Variants in EXD2 observed in about 807,000 individuals in gnomAD.
The protein encoded by EXD2 is exonuclease 3'-5' domain-containing protein 2.
In EXD2, 40 loss-of-function variants were observed where a neutral mutation model predicts 62.5. The ratio of observed to expected loss-of-function variants is 0.64; its 90% confidence interval spans 0.50 to 0.83. The LOEUF (loss-of-function observed/expected upper bound fraction) is 0.83. Among genes scored for constraint, EXD2 ranks in the 40% least tolerant of loss-of-function variants. The probability of loss-of-function intolerance (pLI) is 0.00; values close to 1 mark genes in which losing one functional copy is unlikely to be tolerated. For synonymous variants in EXD2, 239 were observed against 291.9 expected (o/e 0.82, Z 1.85); for missense variants, 671 against 761.8 (o/e 0.88, Z 1.40).
At position 69,229,020 on chromosome 14, in the gene EXD2, G is replaced by A. The variant is rs758770920; in HGVS notation, c.538G>A (p.Gly180Ser). The A allele has an allele frequency of 1.9e-6, 3 of 1,614,196 alleles. No individual in the cohort carries two copies. In the Admixed American group the frequency reaches 5.0e-5, roughly 27 times the overall value. Residue 180 changes from glycine to serine, a missense_variant, in exon 4 of 10, where the codon GGC becomes AGC. Coordinates refer to ENST00000685843, the MANE Select transcript of EXD2 (RefSeq NM_001193360.2). ...TGCCAGCAAGCTTCTGCAGGATTAT[G>A]GCCTCGTTGTTAGGGGGTGCCTGGA... Reference protein sequence around the residue: ...EDASKLLQDYGLVVRGCLDLR... With the variant: ...EDASKLLQDYSLVVRGCLDLR...
chr14:69,224,711 T>C (rs1484275864), intron 3 of EXD2, among the ~76,000 whole-genome samples: 1 of 152,156 alleles, frequency 6.6e-6, no homozygotes, highest in Non-Finnish European at 1.5e-5. Context: ...CCAGGTGCAG[T>C]GGCTCATGCC....
At position 69,220,253 on chromosome 14, in the gene EXD2, G is replaced by GTTTTTTTTTTT. The variant is rs869194045; in HGVS notation, c.334-8538_334-8528dup. Among the ~76,000 whole-genome samples the GTTTTTTTTTTT allele has an allele frequency of 1.2e-3, 42 of 35,116 alleles. 7 individuals are homozygous for GTTTTTTTTTTT. The highest frequency in any genetic ancestry group is 1.4e-3 in the Non-Finnish European group (29 of 20,220). The allele number at this position is 35,116 out of a possible 152,430, so 23.0% of individuals were successfully genotyped here. On this transcript the variant is annotated intron_variant, in intron 3 of 9. Coordinates refer to ENST00000685843, the MANE Select transcript of EXD2 (RefSeq NM_001193360.2). ...CTCTCAGCAAGTGTTTTGTCTCTCTGTTTTTTTTTTTTTTTTTTTTTTTTT... is the reference window on the plus strand; with the variant it reads ...CTCTCAGCAAGTGTTTTGTCTCTCTGTTTTTTTTTTTTTTTTTTTTTTTTTTTTTTTTTTTT...
At chr14:69,201,752 G>C (rs1016153956) in intron 1 of EXD2, among the ~76,000 whole-genome samples, 1 of 142,140 alleles carries the variant, frequency 7.0e-6, no homozygotes, top group Non-Finnish European at 1.5e-5. Flanking sequence ...GTGCAATCTC[G>C]GCTTACTGCA....
In EXD2 at chr14:69,228,989, A is replaced by G; in HGVS notation, c.507A>G (p.Ser169=). 6.2e-7 allele frequency: 1 copy of G among 1,614,238 alleles called. No homozygotes were observed. The highest frequency in any genetic ancestry group is 8.5e-7 in the Non-Finnish European group (1 of 1,180,048). Residue 169 remains serine, a synonymous_variant, in exon 4 of 10, where the codon TCA becomes TCG. Coordinates refer to ENST00000685843, the MANE Select transcript of EXD2 (RefSeq NM_001193360.2). ...GTILKVGVGC[S]EDASKLLQDY... is the part of the protein sequence containing the mutation. ...TTTTGAAAGTTGGAGTGGGATGCTC[A>G]GAAGATGCCAGCAAGCTTCTGCAGG...
At chr14:69,228,380 C>T (rs576097408) in intron 3 of EXD2, among the ~76,000 whole-genome samples, 105 of 152,034 alleles carry the variant, frequency 6.9e-4, no homozygotes, top group Admixed American at 1.4e-3. Context: ...TTGGTAGAGA[C>T]GGGGTTTCAC....
intron 1 of EXD2, chr14:69,191,863 C>T (rs924332947): frequency 6.6e-6 from 1 of 152,292 alleles, no homozygotes. Flanking sequence ...GCCTCCCACG[C>T]CCTCCTTGGG....
rs151034630 is a variant in EXD2 at position 69,211,140 on chromosome 14, C to T, written c.333+1337C>T. Among the ~76,000 whole-genome samples, 80 of 152,276 alleles carry T rather than the reference C, an allele frequency of 5.3e-4. No homozygotes were observed. In the East Asian group the frequency reaches 0.015, roughly 29 times the overall value. On this transcript the variant is annotated intron_variant, in intron 3 of 9. Transcript: ENST00000685843. ...GTGCTGTTTAATAGCATTTTACCCA[C>T]AGTAGAACTTCTTTCAAAATTGGAG...
intron 8 of EXD2, among the ~76,000 whole-genome samples, chr14:69,236,985 C>T (rs187553625): frequency 2.6e-5 from 4 of 152,312 alleles, no homozygotes; most frequent in Non-Finnish European, 2.9e-5. Flanking sequence ...GTGAGGCTGC[C>T]GACTACGTCT....
At chr14:69,234,679 A>C (rs768709431) in intron 5 of EXD2, 21 bp from the exon 6 acceptor site, 1 of 1,585,508 alleles carries the variant, frequency 6.3e-7, no homozygotes, top group Non-Finnish European at 8.6e-7. Context: ...GATTCCACTG[A>C]TCTCTGACTT....
At chr14:69,199,486 A>G (rs892873550) in intron 1 of EXD2, among the ~76,000 whole-genome samples, 1 of 152,214 alleles carries the variant, frequency 6.6e-6, no homozygotes, top group Admixed American at 6.5e-5. Context: ...TATTTTATAA[A>G]CTTTTTAATT....
intron 5 of EXD2, among the ~76,000 whole-genome samples, chr14:69,232,375 T>C (rs560251926): frequency 1.3e-5 from 2 of 152,344 alleles, no homozygotes; most frequent in African/African-American, 4.8e-5. Context: ...CTCAAACTCA[T>C]TTGAACTTAG....
At chr14:69,195,216 CA>C (rs78718494) in intron 1 of EXD2, among the ~76,000 whole-genome samples, 50 of 66,318 alleles carry the variant, frequency 7.5e-4, no homozygotes, top group Middle Eastern at 5.8e-3. Flanking sequence ...GACTCTGTCT[CA>C]AAAAAAAAAA....
intron 9 of EXD2, chr14:69,239,176 C>G (rs1054046101): frequency 1.7e-4 from 26 of 152,346 alleles, no homozygotes; most frequent in African/African-American, 5.3e-4. Context: ...CCCTCCTTCT[C>G]CATGAGTACA....
At chr14:69,202,755 T>G (rs1283482516) in intron 1 of EXD2, among the ~76,000 whole-genome samples, 4 of 152,218 alleles carry the variant, frequency 2.6e-5, no homozygotes, top group Non-Finnish European at 5.9e-5. Flanking sequence ...AAATTATGTT[T>G]GAGAGGGAAG....
chr14:69,194,459 A>G (rs1312742394), intron 1 of EXD2, among the ~76,000 whole-genome samples: 2 of 152,036 alleles, frequency 1.3e-5, no homozygotes, highest in Admixed American at 6.6e-5. Flanking sequence ...TTCTTGAACC[A>G]TTAATCCGAA....
chr14:69,206,401 G>A (rs1396814366), intron 2 of EXD2, among the ~76,000 whole-genome samples: 1 of 149,300 alleles, frequency 6.7e-6, no homozygotes, highest in Non-Finnish European at 1.5e-5. Flanking sequence ...ATACTCCAGC[G>A]CTGGGGCTGG....
At chr14:69,212,039 T>C (rs145754143) in intron 3 of EXD2, among the ~76,000 whole-genome samples, 96 of 152,290 alleles carry the variant, frequency 6.3e-4, no homozygotes, top group African/African-American at 2.3e-3. Flanking sequence ...CATGGCTTCC[T>C]TCCTTGTAAA....
rs760750639 is a variant in EXD2 at position 69,228,943 on chromosome 14, A to G, written c.461A>G (p.Asp154Gly). 1.9e-6 allele frequency: 3 copies of G among 1,614,146 alleles called. No individual in the cohort carries two copies. The highest frequency in any genetic ancestry group is 2.5e-6 in the Non-Finnish European group (3 of 1,180,018). The change falls in exon 4 of 10, where the codon GAT becomes GGT. Residue 154 changes from aspartate (D) to glycine (G), a missense_variant. Physicochemically the swap from Asp to Gly is moderately conservative, Grantham distance 94 (BLOSUM62 -1). Coordinates refer to ENST00000685843, the MANE Select transcript of EXD2 (RefSeq NM_001193360.2). ...GGKTLPRTLL[D>G]ILADGTILKV... ...AAAACACTACCAAGAACGTTATTGG[A>G]TATTTTGGCAGATGGCACCATTTTG...
rs1302909136 is a variant in EXD2, at chr14:69,240,806, C to T, written c.1650-78C>T. ...CTTCAACCTCCCCAGTTACCCTTGG[C>T]GCGCAGCATTTGAAGCTGTCTGTGA... is the stretch of plus-strand genomic sequence containing the variant. On this transcript the variant is annotated intron_variant, in intron 9 of 9. Transcript: ENST00000685843. 33 of 1,271,854 alleles carry T rather than the reference C, an allele frequency of 2.6e-5. No homozygotes were observed. The Middle Eastern group carries it at 7.8e-4, about 30-fold the overall frequency. The allele number at this position is 1,271,854 out of a possible 1,614,324, so 78.8% of individuals were successfully genotyped here.
Sources: allele counts gnomAD v4.1 joint callset (sites outside exome capture counted in the v4.1 genomes callset), GRCh38; gene constraint gnomAD v4.1.1; transcripts MANE v1.5; gene names NCBI Gene and HGNC (gene_info 2026-07-23, HGNC 2026-07-21).